MPPED1: variants seen among roughly 807,000 people sequenced by gnomAD.
MPPED1 encodes metallophosphoesterase domain-containing protein 1.
A neutral mutation model predicts 36.2 loss-of-function variants in MPPED1; 16 were observed. The ratio of observed to expected loss-of-function variants is 0.44; its 90% confidence interval spans 0.30 to 0.67. The LOEUF is 0.67. MPPED1 is among the 30% of genes least tolerant of loss of function. The pLI, the probability that MPPED1 is intolerant of heterozygous loss-of-function variation, is 0.10. For synonymous variants in MPPED1, 199 were observed against 191.3 expected (o/e 1.04, Z -0.33); for missense variants, 307 against 453.4 (o/e 0.68, Z 2.93).
chr22:43,492,935 A>G (rs1244567406), intron 4 of MPPED1, among the ~76,000 whole-genome samples: 1 of 152,104 alleles, frequency 6.6e-6, no homozygotes, highest in Non-Finnish European at 1.5e-5. Flanking sequence ...AGAACAGGTA[A>G]AGTCCTGCTC....
Position 43,425,128 on chromosome 22 carries a change from A to C in MPPED1, c.143A>C (p.Asp48Ala). ...HQHSRLIIEV[D>A]EYSSNPTQAF... ...CACAGCCGGCTCATCATCGAGGTGG[A>C]CGAGTACAGCTCCAACCCCACCCAG... is the stretch of plus-strand genomic sequence containing the variant. The change falls in exon 2 of 7, where the codon GAC (aspartate) becomes GCC (alanine). Residue 48 changes from aspartate to alanine, a missense_variant. By Grantham distance (126) the Asp-to-Ala change is moderately radical. This residue lies in a region of MPPED1 where 169 missense variants were observed against 212.3 expected (regional missense o/e 0.80). Coordinates refer to ENST00000443721, the MANE Select transcript of MPPED1 (RefSeq NM_001044370.2). 6.2e-7 allele frequency: 1 copy of C among 1,613,818 alleles called. No homozygotes were observed. The highest frequency in any genetic ancestry group is 8.5e-7 in the Non-Finnish European group (1 of 1,179,868).
intron 3 of MPPED1, among the ~76,000 whole-genome samples, chr22:43,441,289 G>A (rs547807811): frequency 7.2e-5 from 11 of 152,228 alleles, no homozygotes; most frequent in Middle Eastern, 3.4e-3. Flanking sequence ...TGAGGCTGAC[G>A]TCTGCAATCA....
At position 43,471,879 on chromosome 22, in the gene MPPED1, G is replaced by A. The variant is rs964649749; in HGVS notation, c.407-2857G>A. The stretch of plus-strand genomic sequence containing the variant: ...AGCGTCCATCAGGGTGGGCTCTGAT[G>A]TACAAGAGGAGGGTCAGGGAGGTGG... On this transcript the variant is annotated intron_variant, in intron 3 of 6. Transcript: ENST00000443721. Among the ~76,000 whole-genome samples, 9 of 152,330 alleles carry A rather than the reference G, an allele frequency of 5.9e-5. No individual in the cohort carries two copies. In the South Asian group the frequency reaches 6.2e-4, roughly 11 times the overall value.
At chr22:43,460,476 G>A (rs889792328) in intron 3 of MPPED1, among the ~76,000 whole-genome samples, 9 of 151,820 alleles carry the variant, frequency 5.9e-5, no homozygotes, top group Non-Finnish European at 1.0e-4. Flanking sequence ...GACCACAGGC[G>A]AGCACCAACA....
chr22:43,498,418 G>A (rs1404834727), intron 5 of MPPED1, 68 bp downstream of exon 5: 1 of 1,299,050 alleles, frequency 7.7e-7, no homozygotes, highest in Non-Finnish European at 1.1e-6. Context: ...TGGGATGGGG[G>A]GCTGGCTGGG....
At chr22:43,429,429 T>C (rs1335023758) in intron 2 of MPPED1, among the ~76,000 whole-genome samples, 1 of 152,256 alleles carries the variant, frequency 6.6e-6, no homozygotes, top group Non-Finnish European at 1.5e-5. Flanking sequence ...GCTTCCAGTT[T>C]CTCAAACATT....
chr22:43,456,896 C>T (rs538068664), intron 3 of MPPED1, among the ~76,000 whole-genome samples: 13 of 152,284 alleles, frequency 8.5e-5, no homozygotes, highest in East Asian at 3.9e-4. Flanking sequence ...CTTATTATTA[C>T]GGTATATTAC....
chr22:43,495,911 G>T (rs1932310916), intron 4 of MPPED1, among the ~76,000 whole-genome samples: 1 of 114,686 alleles, frequency 8.7e-6, no homozygotes. Flanking sequence ...GGTGGTGGTG[G>T]AGGTAGTGGT....
chr22:43,478,941 C>T (rs369800108), intron 4 of MPPED1, among the ~76,000 whole-genome samples: 38 of 152,216 alleles, frequency 2.5e-4, no homozygotes, highest in African/African-American at 3.6e-4. Context: ...CCTCAGCTGC[C>T]GGTATCCCCA....
chr22:43,477,875 G>A (rs5759357), intron 4 of MPPED1, among the ~76,000 whole-genome samples: 1 of 152,168 alleles, frequency 6.6e-6, no homozygotes. Context: ...GTGGGGAAAC[G>A]ACACCGCCTG....
Position 43,424,902 on chromosome 22 carries a change from C to T in MPPED1, c.-78-6C>T. 1 of 1,530,504 alleles carries T rather than the reference C, an allele frequency of 6.5e-7. No homozygotes were observed. Among genetic ancestry groups the T allele is most frequent in the South Asian group, 1.2e-5 (1 of 83,206 alleles). The allele number at this position is 1,530,504 out of a possible 1,614,324, so 94.8% of individuals were successfully genotyped here. The stretch of plus-strand genomic sequence containing the variant: ...ACTGTCGCACGGTTCTGCTCCGTCT[C>T]CTCAGTCTGTTTCCAGGTCTGGCGG... On this transcript the variant is annotated splice_region_variant and splice_polypyrimidine_tract_variant and intron_variant, in intron 1 of 6. Coordinates refer to ENST00000443721, the MANE Select transcript of MPPED1 (RefSeq NM_001044370.2).
chr22:43,413,172 C>G (rs1213626161), intron 1 of MPPED1, among the ~76,000 whole-genome samples: 1 of 152,188 alleles, frequency 6.6e-6, no homozygotes, highest in Non-Finnish European at 1.5e-5. Context: ...TTCCCCTGCT[C>G]TATTGAATGG....
intron 1 of MPPED1, chr22:43,417,842 C>T (rs993085992): frequency 3.2e-5 from 11 of 338,578 alleles, no homozygotes; most frequent in Admixed American, 7.8e-5. Flanking sequence ...GCTATTCAGT[C>T]GCTCCTACTC....
intron 2 of MPPED1, among the ~76,000 whole-genome samples, chr22:43,426,217 G>A (rs1264858522): frequency 3.9e-5 from 6 of 152,058 alleles, no homozygotes; most frequent in East Asian, 1.9e-4. Flanking sequence ...TCCTTGCTGG[G>A]CCTCCCGCAT....
chr22:43,451,291 C>T lies in MPPED1; in HGVS notation c.406+16076C>T, dbSNP rs111890191. 2.6e-4 allele frequency among the ~76,000 whole-genome samples: 40 copies of T among 152,266 alleles called. 1 individual carries two copies. The highest frequency in any genetic ancestry group is 7.2e-4 in the African/African-American group (30 of 41,544). On this transcript the variant is annotated intron_variant, in intron 3 of 6. Transcript: ENST00000443721. Reference sequence around the variant, plus strand: ...AAATGCTGCAATTACCGGTGTGAGCCGCTGCGCCCAGCTGGTGGTAGCTTT... The same window carrying T: ...AAATGCTGCAATTACCGGTGTGAGCTGCTGCGCCCAGCTGGTGGTAGCTTT...
chr22:43,463,055 G>A (rs135031), intron 3 of MPPED1, among the ~76,000 whole-genome samples: 147,908 of 152,248 alleles, frequency 0.97, 71,894 homozygotes, highest in East Asian at 1. Flanking sequence ...TTCCCCTAGA[G>A]TTTGGAAGGC....
intron 3 of MPPED1, 68 bp downstream of exon 3, chr22:43,435,283 G>A (rs375270440): frequency 8.0e-6 from 12 of 1,507,364 alleles, no homozygotes; most frequent in Admixed American, 2.0e-5. Context: ...AGCTCCCGAG[G>A]CTGCCTGCCT....
chr22:43,475,767 A>T (rs1236708999), intron 4 of MPPED1, among the ~76,000 whole-genome samples: 1 of 114,610 alleles, frequency 8.7e-6, no homozygotes, highest in East Asian at 2.9e-4. Context: ...GATGATGATG[A>T]TGAGGGTGAG....
chr22:43,482,109 G>A (rs539932427), intron 4 of MPPED1, among the ~76,000 whole-genome samples: 61 of 152,068 alleles, frequency 4.0e-4, no homozygotes, highest in African/African-American at 1.5e-3. Flanking sequence ...GAACTCAGCT[G>A]GTACAAAATC....
Sources: gnomAD v4.1 joint callset for allele counts (sites outside exome capture counted in the v4.1 genomes callset) on GRCh38, gnomAD v4.1.1 for gene constraint, gnomAD v4.1.1 regional missense constraint, MANE v1.5 for transcripts, NCBI Gene and HGNC (gene_info 2026-07-23, HGNC 2026-07-21) for gene names.